Variants in ASIC2 observed in about 807,000 individuals in gnomAD.
ASIC2 encodes acid-sensing ion channel 2.
ASIC2 carries 25 observed loss-of-function variants against 57.3 expected under a neutral mutation model. That is an observed-to-expected ratio of 0.44 (90% CI 0.32 to 0.61). The LOEUF is 0.61. Ranked by LOEUF, ASIC2 falls within the 20% of genes least tolerant of loss-of-function variation. ASIC2 has a pLI of 0.06. For synonymous variants in ASIC2, 319 were observed against 307.5 expected, an observed-to-expected ratio of 1.04 and a Z score of -0.39; for missense variants, 641 against 738.1, an observed-to-expected ratio of 0.87 and a Z score of 1.52.
At position 33,208,101 on chromosome 17, in the gene ASIC2, T is replaced by C. The variant is rs139672821; in HGVS notation, c.708+83307A>G. The stretch of plus-strand genomic sequence containing the variant: ...AATGGAGAAGTGAGAGGCTGTGTCC[T>C]ATCCCCTGACCCCCTGACTGGGGGA... On this transcript the variant is annotated intron_variant, in intron 1 of 9. Coordinates refer to ENST00000225823, the MANE Select transcript of ASIC2 (RefSeq NM_183377.2). 3.8e-3 allele frequency among the ~76,000 whole-genome samples: 578 copies of C among 152,320 alleles called. 5 individuals carry two copies. The highest frequency in any genetic ancestry group is 0.013 in the African/African-American group (532 of 41,572).
intron 3 of ASIC2, among the ~76,000 whole-genome samples, chr17:33,042,129 A>C (rs1326941343): frequency 6.6e-6 from 1 of 152,208 alleles, no homozygotes; most frequent in African/African-American, 2.4e-5. Context: ...CTCCTTTTAA[A>C]CAATTTGGAA....
chr17:33,145,220 C>T (rs932427856), intron 1 of ASIC2, among the ~76,000 whole-genome samples: 1 of 152,238 alleles, frequency 6.6e-6, no homozygotes, highest in African/African-American at 2.4e-5. Context: ...GGAAGGCAGC[C>T]TCTACCAGCT....
At chr17:33,654,200 T>C (rs1907008606) in intron 1 of ASIC2, among the ~76,000 whole-genome samples, 1 of 152,216 alleles carries the variant, frequency 6.6e-6, no homozygotes, top group Non-Finnish European at 1.5e-5. Context: ...AGAATCTCTC[T>C]TCCTTCCCCC....
intron 3 of ASIC2, 128 bp from the exon 4 acceptor site, chr17:33,028,520 T>C (rs773819812): frequency 1.6e-4 from 190 of 1,173,496 alleles, no homozygotes; most frequent in Non-Finnish European, 2.1e-4. Flanking sequence ...CTTCAACATC[T>C]GGCTCCAATA....
intron 2 of ASIC2, among the ~76,000 whole-genome samples, chr17:33,098,558 G>A (rs1030280669): frequency 2.0e-5 from 3 of 152,174 alleles, no homozygotes; most frequent in Admixed American, 6.5e-5. Flanking sequence ...GCGTGATGCA[G>A]CAGCGTTCTT....
At chr17:33,184,041 T>C (rs1906090979) in intron 1 of ASIC2, among the ~76,000 whole-genome samples, 1 of 152,196 alleles carries the variant, frequency 6.6e-6, no homozygotes, top group African/African-American at 2.4e-5. Flanking sequence ...ATGTCTATTA[T>C]AGCAACTGGT....
intron 1 of ASIC2, among the ~76,000 whole-genome samples, chr17:33,714,424 TAAAC>T (rs1242251018): frequency 6.6e-6 from 1 of 152,174 alleles, no homozygotes; most frequent in African/African-American, 2.4e-5. Flanking sequence ...ATACAGCAAT[TAAAC>T]AGACTAGATC....
chr17:33,140,776 T>G (rs2092384605), intron 1 of ASIC2, among the ~76,000 whole-genome samples: 1 of 152,218 alleles, frequency 6.6e-6, no homozygotes, highest in African/African-American at 2.4e-5. Flanking sequence ...GCAGGACTAT[T>G]AAAGTTAAAT....
intron 1 of ASIC2, among the ~76,000 whole-genome samples, chr17:33,661,345 A>C (rs1430390402): frequency 6.6e-6 from 1 of 152,242 alleles, no homozygotes; most frequent in Non-Finnish European, 1.5e-5. Context: ...TGGAAGGAGC[A>C]CTAAACTAGG....
chr17:33,779,367 ATC>A (rs759004934), intron 1 of ASIC2, among the ~76,000 whole-genome samples: 23 of 152,134 alleles, frequency 1.5e-4, no homozygotes, highest in Admixed American at 3.9e-4. Context: ...GAAAAAAAAA[ATC>A]TCTGTTTTAT....
intron 1 of ASIC2, among the ~76,000 whole-genome samples, chr17:33,818,880 A>G (rs940720807): frequency 2.6e-5 from 4 of 152,192 alleles, no homozygotes; most frequent in Non-Finnish European, 5.9e-5. Context: ...AATCACAACA[A>G]TTAAAATTGG....
intron 1 of ASIC2, among the ~76,000 whole-genome samples, chr17:33,121,920 T>C (rs1293660208): frequency 6.6e-6 from 1 of 152,228 alleles, no homozygotes; most frequent in Non-Finnish European, 1.5e-5. Flanking sequence ...CTCTCTGATC[T>C]GCCCACTGCC....
chr17:33,356,052 G>T (rs540606710), intron 1 of ASIC2, among the ~76,000 whole-genome samples: 1 of 152,158 alleles, frequency 6.6e-6, no homozygotes, highest in Non-Finnish European at 1.5e-5. Context: ...ACCCAGAGTA[G>T]GGGATAAGCG....
chr17:33,681,670 T>C (rs1908005351), intron 1 of ASIC2, among the ~76,000 whole-genome samples: 1 of 152,198 alleles, frequency 6.6e-6, no homozygotes, highest in South Asian at 2.1e-4. Flanking sequence ...CGTTCCTGCT[T>C]CCTGAAATCC....
At chr17:34,123,890 C>T (rs1470059490) in intron 1 of ASIC2, among the ~76,000 whole-genome samples, 1 of 152,080 alleles carries the variant, frequency 6.6e-6, no homozygotes, top group East Asian at 1.9e-4. Flanking sequence ...CAAGACTAGC[C>T]TGGGCAACAT....
intron 3 of ASIC2, among the ~76,000 whole-genome samples, chr17:33,049,136 T>C (rs933422950): frequency 6.6e-6 from 1 of 152,178 alleles, no homozygotes; most frequent in Non-Finnish European, 1.5e-5. Flanking sequence ...CCTTTGTCTG[T>C]AGAAGGGAGA....
At chr17:33,273,052 C>T (rs1462044633) in intron 1 of ASIC2, among the ~76,000 whole-genome samples, 3 of 152,086 alleles carry the variant, frequency 2.0e-5, no homozygotes, top group East Asian at 1.9e-4. Flanking sequence ...GAAATTGCCC[C>T]GAGTTTGTAC....
chr17:33,467,762 T>TCCC (rs1912912636), intron 1 of ASIC2, among the ~76,000 whole-genome samples: 1 of 152,108 alleles, frequency 6.6e-6, no homozygotes, highest in African/African-American at 2.4e-5. Context: ...TGGAAGCAGA[T>TCCC]CCCCCACCTT....
At chr17:34,098,909 C>T (rs959251851) in intron 1 of ASIC2, among the ~76,000 whole-genome samples, 3 of 151,992 alleles carry the variant, frequency 2.0e-5, no homozygotes, top group South Asian at 2.1e-4. Context: ...ATTTCCATAC[C>T]GTGTGATGCC....
Sources: gnomAD v4.1 joint callset for allele counts (sites outside exome capture counted in the v4.1 genomes callset) on GRCh38, gnomAD v4.1.1 for gene constraint, MANE v1.5 for transcripts, NCBI Gene and HGNC (gene_info 2026-07-23, HGNC 2026-07-21) for gene names.